The following FGD4 variants were observed in gnomAD, a reference collection of about 807,000 sequenced individuals.
FGD4 encodes FYVE, RhoGEF and PH domain containing 4, also known as FYVE, RhoGEF and PH domain-containing protein 4.
In FGD4, 42 loss-of-function variants were observed where a neutral mutation model predicts 102.0. The ratio of observed to expected loss-of-function variants is 0.41; its 90% confidence interval spans 0.32 to 0.53. The LOEUF is 0.53. FGD4 is among the 20% of genes least tolerant of loss of function. The pLI is 0.21. For missense variants in FGD4, 902 were observed against 1,078.2 expected, an observed-to-expected ratio of 0.84 and a Z score of 2.29; for synonymous variants, 380 against 375.7, an observed-to-expected ratio of 1.01 and a Z score of -0.13.
In FGD4 at chr12:32,503,240, G is replaced by A. The variant is rs572651208; in HGVS notation, c.167-60897G>A. The stretch of plus-strand genomic sequence containing the variant: ...TGTTTTTTTATCATTGAAACCATAG[G>A]GCCAGTGCTCTGTGAGTCTAACTGG... On this transcript the variant is annotated intron_variant, in intron 1 of 16. Transcript: ENST00000534526. 2.6e-5 allele frequency among the ~76,000 whole-genome samples: 4 copies of A among 152,100 alleles called. No individual in the cohort carries two copies. In the South Asian group the frequency reaches 8.3e-4, roughly 32 times the overall value.
intron 1 of FGD4, among the ~76,000 whole-genome samples, chr12:32,470,642 G>A (rs1943392879): frequency 6.6e-6 from 1 of 151,676 alleles, no homozygotes; most frequent in South Asian, 2.1e-4. Context: ...TTGGTAGAGA[G>A]AGGGTTTTTC....
intron 1 of FGD4, among the ~76,000 whole-genome samples, chr12:32,550,038 A>G (rs1417415472): frequency 2.6e-5 from 4 of 151,958 alleles, no homozygotes; most frequent in Non-Finnish European, 2.9e-5. Flanking sequence ...TCGGCTGGGG[A>G]TGAATGTGGG....
At chr12:32,510,269 C>G (rs2136669325) in intron 1 of FGD4, among the ~76,000 whole-genome samples, 1 of 152,260 alleles carries the variant, frequency 6.6e-6, no homozygotes, top group African/African-American at 2.4e-5. Flanking sequence ...ACTGTGCATT[C>G]ATGGGATTGT....
intron 1 of FGD4, among the ~76,000 whole-genome samples, chr12:32,471,948 T>C (rs1375792616): frequency 6.6e-6 from 1 of 152,162 alleles, no homozygotes; most frequent in African/African-American, 2.4e-5. Context: ...TGTGGTTCAT[T>C]GGGGATGATC....
At chr12:32,594,538 C>T (rs1947721282) in intron 4 of FGD4, among the ~76,000 whole-genome samples, 1 of 152,188 alleles carries the variant, frequency 6.6e-6, no homozygotes. Context: ...GTGCTTAAAT[C>T]ATCCTGAAAC....
At chr12:32,435,498 A>AGTGTGTGT (rs3076971) in intron 1 of FGD4, among the ~76,000 whole-genome samples, 44,866 of 149,604 alleles carry the variant, frequency 0.3, 7,277 homozygotes, top group Middle Eastern at 0.46. Flanking sequence ...CAATTAAAAA[A>AGTGTGTGT]GTGTGTGTGT....
intron 1 of FGD4, among the ~76,000 whole-genome samples, chr12:32,411,740 G>A (rs1281676134): frequency 6.6e-6 from 1 of 152,072 alleles, no homozygotes; most frequent in Non-Finnish European, 1.5e-5. Flanking sequence ...TTTGGGAGGC[G>A]AAGGTGGGCA....
chr12:32,630,048 C>T (rs1950408561), intron 14 of FGD4, among the ~76,000 whole-genome samples: 1 of 152,260 alleles, frequency 6.6e-6, no homozygotes, highest in Non-Finnish European at 1.5e-5. Flanking sequence ...TCCTCCAGGC[C>T]CCATGGGCTG....
In FGD4 at chr12:32,637,055, T is replaced by TC. The variant is rs1950876538; in HGVS notation, c.2314-1600_2314-1599insC. Among the ~76,000 whole-genome samples, 5 of 147,568 alleles carry TC rather than the reference T, an allele frequency of 3.4e-5. No homozygotes were observed. The South Asian group carries it at 1.1e-3, about 32-fold the overall frequency. ...CTGGCTAATTTTTTTCTTCTTTTTT[T>TC]TTTTTTTTTTTTTAGTAGAGGCAGG... On this transcript the variant is annotated intron_variant, in intron 15 of 16. Transcript: ENST00000534526.
intron 14 of FGD4, among the ~76,000 whole-genome samples, chr12:32,631,528 G>A (rs146661077): frequency 0.042 from 5,833 of 137,654 alleles, 151 homozygotes; most frequent in South Asian, 0.058. Flanking sequence ...TTTTTGAGGC[G>A]GAGTCTCGCT....
intron 1 of FGD4, among the ~76,000 whole-genome samples, chr12:32,508,381 T>C (rs1005188093): frequency 1.3e-5 from 2 of 152,224 alleles, no homozygotes; most frequent in African/African-American, 2.4e-5. Flanking sequence ...GATGGAAATA[T>C]GGGAGGGAAC....
chr12:32,412,884 AC>A (rs1273817216), intron 1 of FGD4, among the ~76,000 whole-genome samples: 1 of 124,628 alleles, frequency 8.0e-6, no homozygotes, highest in African/African-American at 3.3e-5. Context: ...CTGTCCAGAG[AC>A]CCCTTTTCTA....
chr12:32,457,997 CT>C (rs5797479), intron 1 of FGD4, among the ~76,000 whole-genome samples: 30 of 146,256 alleles, frequency 2.1e-4, no homozygotes, highest in African/African-American at 1.8e-4. Context: ...TGATTTTTCA[CT>C]TTTTTTTTTT....
rs1305739053 is a variant in FGD4 at position 32,506,945 on chromosome 12, A to G, written c.167-57192A>G. 6.6e-6 allele frequency among the ~76,000 whole-genome samples: 1 copy of G among 152,094 alleles called. No individual in the cohort carries two copies. Among genetic ancestry groups the G allele is most frequent in the Non-Finnish European group, 1.5e-5 (1 of 68,012 alleles). On this transcript the variant is annotated intron_variant, in intron 1 of 16. Coordinates refer to ENST00000534526, the MANE Select transcript of FGD4 (RefSeq NM_001370298.3). This position sits in a 1 kb window ranked among gnomAD's most constrained non-coding sequence, Gnocchi z 4.5. ...TTATTTTTATTTATTTTTTATTATT[A>G]TACTTTAAGTTTTAGGGCACATGTG...
At chr12:32,526,125 G>T (rs904462168) in intron 1 of FGD4, among the ~76,000 whole-genome samples, 1 of 152,254 alleles carries the variant, frequency 6.6e-6, no homozygotes, top group African/African-American at 2.4e-5. Flanking sequence ...GGTGAAGCCA[G>T]CTGGGCTCCT....
At chr12:32,526,460 C>G (rs1941219484) in intron 1 of FGD4, among the ~76,000 whole-genome samples, 1 of 152,150 alleles carries the variant, frequency 6.6e-6, no homozygotes, top group African/African-American at 2.4e-5. Flanking sequence ...AACTCTGTAT[C>G]TAACTAATCT....
intron 1 of FGD4, among the ~76,000 whole-genome samples, chr12:32,504,344 G>A (rs894056641): frequency 1.3e-5 from 2 of 152,174 alleles, no homozygotes; most frequent in Non-Finnish European, 2.9e-5. Flanking sequence ...GGACAGGAGT[G>A]CATGGTCATA....
chr12:32,498,032 CCAGA>C lies in FGD4; in HGVS notation c.167-66100_167-66097del, dbSNP rs1191562216. The stretch of plus-strand genomic sequence containing the variant: ...CCTTTTGTGACTGAAGAGCACAGGA[CCAGA>C]CAGAGTAAATGGCTTGCCTGTGTCA... On this transcript the variant is annotated intron_variant, in intron 1 of 16. Transcript: ENST00000534526. Among the ~76,000 whole-genome samples the C allele has an allele frequency of 5.9e-5, 9 of 152,198 alleles. No homozygotes were observed. The East Asian group carries it at 1.5e-3, about 26-fold the overall frequency.
chr12:32,617,841 C>T (rs990949120), intron 10 of FGD4, among the ~76,000 whole-genome samples: 43 of 152,216 alleles, frequency 2.8e-4, no homozygotes, highest in African/African-American at 9.6e-4. Context: ...ATGACATAAT[C>T]TTCTTTGTAA....
Sources: allele counts gnomAD v4.1 joint callset (sites outside exome capture counted in the v4.1 genomes callset), GRCh38; gene constraint gnomAD v4.1.1; non-coding constraint Gnocchi (gnomAD v3.1); transcripts MANE v1.5; gene names NCBI Gene and HGNC (gene_info 2026-07-23, HGNC 2026-07-21).